The following UTP11 variants were observed in gnomAD, a reference collection of about 807,000 sequenced individuals.
UTP11 encodes probable U3 small nucleolar RNA-associated protein 11.
Under a neutral mutation model 39.0 loss-of-function variants are expected in UTP11, and 29 were observed. The observed-to-expected ratio is 0.74, with a 90% CI of 0.55 to 1.01. UTP11 has a LOEUF of 1.01. Among genes scored for constraint, UTP11 ranks in the 50% least tolerant of loss-of-function variants. The probability of loss-of-function intolerance (pLI) is 0.00; values close to 1 mark genes in which losing one functional copy is unlikely to be tolerated. For synonymous variants in UTP11, 111 were observed against 105.0 expected, an observed-to-expected ratio of 1.06 and a Z score of -0.35; for missense variants, 281 against 306.0, an observed-to-expected ratio of 0.92 and a Z score of 0.61.
chr1:38,019,167 A>G lies in UTP11; in HGVS notation c.436+15A>G. The G allele has an allele frequency of 6.2e-7, 1 of 1,614,002 alleles. No individual in the cohort carries two copies. The highest frequency in any genetic ancestry group is 1.7e-4 in the Middle Eastern group (1 of 6,060). ...CAAAAAGGAAGGTATGAAATGTTTG[A>G]AGGTTTCTGGGACAGTCTACCATGC... On this transcript the variant is annotated intron_variant, in intron 5 of 7. Coordinates refer to ENST00000373014, the MANE Select transcript of UTP11 (RefSeq NM_016037.4).
chr1:38,014,725 C>G (rs1247659647), intron 1 of UTP11, among the ~76,000 whole-genome samples: 1 of 152,124 alleles, frequency 6.6e-6, no homozygotes, highest in East Asian at 1.9e-4. Flanking sequence ...CAGGCTCGAC[C>G]CCCTCACTCA....
intron 6 of UTP11, 25 bp downstream of exon 6, chr1:38,019,408 A>G (rs374273658): frequency 1.3e-6 from 2 of 1,582,326 alleles, no homozygotes; most frequent in South Asian, 1.2e-5. Context: ...TGTTCTTCAC[A>G]TGTGAGCTTA....
chr1:38,019,494 T>A, intron 6 of UTP11, 111 bp downstream of exon 6: 1 of 1,009,974 alleles, frequency 9.9e-7, no homozygotes, highest in Non-Finnish European at 1.3e-6. Context: ...ATTTATTTTA[T>A]TTTATTTTTT....
rs201471021 is a variant in UTP11 at position 38,019,250 on chromosome 1, T to C, written c.437-3T>C. The C allele has an allele frequency of 3.7e-5, 60 of 1,614,046 alleles. No individual in the cohort carries two copies. The highest frequency in any genetic ancestry group is 5.1e-5 in the Non-Finnish European group (60 of 1,180,030). ...GTGCCTTAAGGATTGTCTTGAATTTTAGTTGAACAGTTTGATGTCGCAACT... is the reference window on the plus strand; with the variant it reads ...GTGCCTTAAGGATTGTCTTGAATTTCAGTTGAACAGTTTGATGTCGCAACT... On this transcript the variant is annotated splice_region_variant and splice_polypyrimidine_tract_variant and intron_variant, in intron 5 of 7. Transcript: ENST00000373014.
Position 38,012,952 on chromosome 1 carries a change from T to G in UTP11, c.63+87T>G. 3 of 1,540,428 alleles carry G rather than the reference T, an allele frequency of 1.9e-6. No homozygotes were observed. The Middle Eastern group carries it at 5.1e-4, about 262-fold the overall frequency. On this transcript the variant is annotated intron_variant, in intron 1 of 7. Coordinates refer to ENST00000373014, the MANE Select transcript of UTP11 (RefSeq NM_016037.4). ...CCCTGTCGCCACCGTGGGATCCGGG[T>G]CCAAACTGTATAGTATATAAATGCA...
intron 6 of UTP11, among the ~76,000 whole-genome samples, chr1:38,021,998 G>A (rs1429392148): frequency 6.6e-6 from 1 of 152,170 alleles, no homozygotes; most frequent in Non-Finnish European, 1.5e-5. Context: ...GGAGTCATTA[G>A]CAGTGAGAAT....
chr1:38,016,065 G>A (rs1406121941), intron 1 of UTP11, among the ~76,000 whole-genome samples: 1 of 152,206 alleles, frequency 6.6e-6, no homozygotes, highest in Non-Finnish European at 1.5e-5. Context: ...AGTAATTTTA[G>A]TACAACTGGC....
At position 38,023,838 on chromosome 1, in the gene UTP11, T is replaced by C. The variant is rs911915322; in HGVS notation, c.*210T>C. ...GATTGTGAAATTAGTCTTATTTTTA[T>C]ATACTTAATTTTTTTTTTCTTTGAG... On this transcript the variant is annotated 3_prime_UTR_variant, in exon 8 of 8. Coordinates refer to ENST00000373014, the MANE Select transcript of UTP11 (RefSeq NM_016037.4). 2.4e-6 allele frequency: 1 copy of C among 409,800 alleles called. No individual in the cohort carries two copies. The highest frequency in any genetic ancestry group is 4.3e-6 in the Non-Finnish European group (1 of 234,870). 25.4% of individuals were successfully genotyped at this position (409,800 alleles called of 1,614,324 possible).
At chr1:38,019,731 GC>G (rs1182614780) in intron 6 of UTP11, among the ~76,000 whole-genome samples, 6 of 152,124 alleles carry the variant, frequency 3.9e-5, no homozygotes, top group Admixed American at 2.0e-4. Flanking sequence ...TGATCTGCCT[GC>G]CTTGGCCTCC....
chr1:38,023,261 T>C (rs766785063), intron 7 of UTP11, among the ~76,000 whole-genome samples: 2 of 152,204 alleles, frequency 1.3e-5, no homozygotes, highest in Non-Finnish European at 2.9e-5. Context: ...TCAGCCTTTC[T>C]CAACTGGGGT....
chr1:38,018,398 C>A lies in UTP11; in HGVS notation c.229-66C>A. On this transcript the variant is annotated intron_variant, in intron 3 of 7. Coordinates refer to ENST00000373014, the MANE Select transcript of UTP11 (RefSeq NM_016037.4). ...TGGTTGTCTTTGTTCTAGCCGTGCA[C>A]TGTGCCAACAACTTATTAATGATTT... 3.2e-6 allele frequency: 4 copies of A among 1,258,998 alleles called. No individual in the cohort carries two copies. In the South Asian group the frequency reaches 5.0e-5, roughly 16 times the overall value. 78.0% of individuals were successfully genotyped at this position (1,258,998 alleles called of 1,614,324 possible).
chr1:38,018,409 A>G (rs932787583), intron 3 of UTP11, 55 bp from the exon 4 acceptor site: 1 of 1,383,802 alleles, frequency 7.2e-7, no homozygotes, highest in African/African-American at 1.4e-5. Flanking sequence ...TGTGCCAACA[A>G]CTTATTAATG....
At chr1:38,018,717 T>C in intron 4 of UTP11, 140 bp downstream of exon 4, 1 of 761,392 alleles carries the variant, frequency 1.3e-6, no homozygotes, top group Non-Finnish European at 2.1e-6. Flanking sequence ...ATAGTTAGCA[T>C]GGTAGAGTGG....
intron 6 of UTP11, among the ~76,000 whole-genome samples, chr1:38,021,991 G>T (rs907230886): frequency 6.6e-6 from 1 of 152,170 alleles, no homozygotes; most frequent in African/African-American, 2.4e-5. Flanking sequence ...TCTTTGAGGA[G>T]TCATTAGCAG....
At chr1:38,017,907 C>G (rs1411579683) in intron 3 of UTP11, 137 bp downstream of exon 3, 2 of 725,216 alleles carry the variant, frequency 2.8e-6, no homozygotes, top group Non-Finnish European at 4.5e-6. Context: ...GGTCAGTGTC[C>G]AAGGCAAACC....
intron 1 of UTP11, among the ~76,000 whole-genome samples, chr1:38,013,604 C>G (rs1418113290): frequency 6.6e-6 from 1 of 152,192 alleles, no homozygotes; most frequent in African/African-American, 2.4e-5. Flanking sequence ...CATATGTGCT[C>G]CAACTTAGTT....
intron 2 of UTP11, chr1:38,017,419 G>T: frequency 2.9e-6 from 1 of 340,304 alleles, no homozygotes; most frequent in Non-Finnish European, 5.3e-6. Context: ...ACATATATAG[G>T]CTGGGGACAG....
At chr1:38,013,907 G>C (rs897747766) in intron 1 of UTP11, among the ~76,000 whole-genome samples, 2 of 152,182 alleles carry the variant, frequency 1.3e-5, no homozygotes, top group African/African-American at 2.4e-5. Context: ...TAGAGACGGG[G>C]TTTTGTCAGA....
Position 38,019,273 on chromosome 1 carries a change from A to T in UTP11, c.457A>T (p.Thr153Ser), listed in dbSNP as rs778228721. ...KKEVEQFDVATHLQTAPELVD... is the reference protein window; with the variant it reads ...KKEVEQFDVASHLQTAPELVD... ...TTTAGTTGAACAGTTTGATGTCGCA[A>T]CTCACCTGCAAACAGCCCCGGAGCT... The change falls in exon 6 of 8, where the codon ACT becomes TCT. Residue 153 changes from threonine (T) to serine (S), a missense_variant. Physicochemically the swap from Thr to Ser is moderately conservative, Grantham distance 58. Transcript: ENST00000373014. The T allele has an allele frequency of 1.2e-6, 2 of 1,613,906 alleles. No homozygotes were observed. Among genetic ancestry groups the T allele is most frequent in the East Asian group, 2.2e-5 (1 of 44,882 alleles).
Sources: gnomAD v4.1 joint callset for allele counts (sites outside exome capture counted in the v4.1 genomes callset) on GRCh38, gnomAD v4.1.1 for gene constraint, MANE v1.5 for transcripts, NCBI Gene and HGNC (gene_info 2026-07-23, HGNC 2026-07-21) for gene names.